CD93: variants seen among roughly 807,000 people sequenced by gnomAD.
CD93 encodes complement component C1q receptor.
In CD93, 44 loss-of-function variants were observed where a neutral mutation model predicts 45.5. The observed-to-expected ratio is 0.97, with a 90% confidence interval of 0.76 to 1.24. CD93 has a LOEUF of 1.24. Ranked by LOEUF, CD93 falls within the 50% of genes most tolerant of loss-of-function variation. The pLI is 0.00. For missense variants in CD93, 918 were observed against 844.5 expected, an observed-to-expected ratio of 1.09 and a Z score of -1.08; for synonymous variants, 431 against 370.8, an observed-to-expected ratio of 1.16 and a Z score of -1.87.
chr20:23,084,826 G>A lies in CD93; in HGVS notation c.1367C>T (p.Pro456Leu), dbSNP rs1222278626. Reference protein sequence around the residue: ...TQGSFHCGCLPGWVLAPNGVS... With the variant: ...TQGSFHCGCLLGWVLAPNGVS... Reference sequence around the variant, plus strand: ...CCCATTTGGGGCCAGCACCCAGCCTGGCAGGCAGCCACAGTGGAAGGACCC... The same window carrying A: ...CCCATTTGGGGCCAGCACCCAGCCTAGCAGGCAGCCACAGTGGAAGGACCC... Residue 456 changes from proline to leucine, a missense_variant, in exon 1 of 2, where the codon CCA becomes CTA. Physicochemically the swap from Pro to Leu is moderately conservative, Grantham distance 98 (BLOSUM62 -3). Transcript: ENST00000246006. The A allele has an allele frequency of 1.2e-6, 2 of 1,613,290 alleles. No individual in the cohort carries two copies. Among genetic ancestry groups the A allele is most frequent in the African/African-American group, 2.7e-5 (2 of 74,924 alleles).
At position 23,082,808 on chromosome 20, in the gene CD93, C is replaced by A. The variant is rs1052162605; in HGVS notation, c.*1142G>T. The A allele has an allele frequency of 3.3e-5, 5 of 152,604 alleles. No individual in the cohort carries two copies. The highest frequency in any genetic ancestry group is 9.7e-5 in the African/African-American group (4 of 41,444). The allele number at this position is 152,604 out of a possible 1,614,324, so 9.5% of individuals were successfully genotyped here. A position where few individuals can be genotyped will look rare whatever the true frequency, so the allele number is the denominator to read the frequency against. On this transcript the variant is annotated 3_prime_UTR_variant, in exon 2 of 2. Coordinates refer to ENST00000246006, the MANE Select transcript of CD93 (RefSeq NM_012072.4). The stretch of plus-strand genomic sequence containing the variant: ...AGCAAACTGCCTGACTAGCTCCCTA[C>A]TTGGTGTGTGCGCCACCCACACTTC...
At position 23,084,988 on chromosome 20, in the gene CD93, T is replaced by G; in HGVS notation, c.1205A>C (p.Asn402Thr). Residue 402 changes from asparagine (N) to threonine (T), a missense_variant, in exon 1 of 2, where the codon AAC (asparagine) becomes ACC (threonine). Physicochemically the swap from Asn to Thr is moderately conservative, Grantham distance 65 (BLOSUM62 0). Transcript: ENST00000246006. ...GGAGCAGTGAAATGAGCCATCTGTGTTGGTGCAGCCCTGGGCGCAAGGCGA... is the reference window on the plus strand; with the variant it reads ...GGAGCAGTGAAATGAGCCATCTGTGGTGGTGCAGCCCTGGGCGCAAGGCGA... ...GRSPCAQGCT[N>T]TDGSFHCSCE... 1 of 1,613,892 alleles carries G rather than the reference T, an allele frequency of 6.2e-7. No homozygotes were observed. The highest frequency in any genetic ancestry group is 2.2e-5 in the East Asian group (1 of 44,862).
chr20:23,086,162 G>T lies in CD93; in HGVS notation c.31C>A (p.Leu11Met). The change falls in exon 1 of 2, where the codon CTG becomes ATG. Residue 11 changes from leucine to methionine, a missense_variant. By Grantham distance (15) the Leu-to-Met change is conservative. Coordinates refer to ENST00000246006, the MANE Select transcript of CD93 (RefSeq NM_012072.4). ...CCGGGCTGGGTCAGGAGCAGCAGCA[G>T]CAGCAGCAGCAGGCCCATGGAGGTG... is the stretch of plus-strand genomic sequence containing the variant. MATSMGLLLL[L>M]LLLLTQPGAG... 6.4e-7 allele frequency: 1 copy of T among 1,555,596 alleles called. No individual in the cohort carries two copies. The highest frequency in any genetic ancestry group is 8.6e-7 in the Non-Finnish European group (1 of 1,157,356).
At position 23,085,831 on chromosome 20, in the gene CD93, T is replaced by TTGCCCCCCCCC; in HGVS notation, c.361_362insGGGGGGGGGCA (p.Glu121GlyfsTer83). On this transcript the variant is annotated frameshift_variant, in exon 1 of 2. Coordinates refer to ENST00000246006, the MANE Select transcript of CD93 (RefSeq NM_012072.4). LOFTEE classifies it high-confidence loss of function. ...GTGCCAGTTAGAGTAAGGCGTGTCC[T>TTGCCCCCCCCC]CCCCCCCGCCCACCCAGCTGAAGCC... 4.7e-6 allele frequency: 7 copies of TTGCCCCCCCCC among 1,491,262 alleles called. No individual in the cohort carries two copies. The highest frequency in any genetic ancestry group is 6.4e-6 in the Non-Finnish European group (7 of 1,097,874). 92.4% of individuals were successfully genotyped at this position (1,491,262 alleles called of 1,614,324 possible).
rs1394949523 is a variant in CD93 at position 23,086,284 on chromosome 20, T to C, written c.-92A>G. On this transcript the variant is annotated 5_prime_UTR_variant, in exon 1 of 2. Coordinates refer to ENST00000246006, the MANE Select transcript of CD93 (RefSeq NM_012072.4). ...CTCCCAGCTGGGCCCCAAGGGGAGC[T>C]GAGGGGTGAGCTGCAGCCACTCCGG... 3 of 1,413,326 alleles carry C rather than the reference T, an allele frequency of 2.1e-6. No individual in the cohort carries two copies. Among genetic ancestry groups the C allele is most frequent in the Non-Finnish European group, 2.8e-6 (3 of 1,077,302 alleles). 87.5% of individuals were successfully genotyped at this position (1,413,326 alleles called of 1,614,324 possible). A position where few individuals can be genotyped will look rare whatever the true frequency, so the allele number is the denominator to read the frequency against.
At position 23,083,926 on chromosome 20, in the gene CD93, A is replaced by T; in HGVS notation, c.*24T>A. On this transcript the variant is annotated 3_prime_UTR_variant, in exon 2 of 2. Transcript: ENST00000246006. Reference sequence around the variant, plus strand: ...TCTGAGGATGGTGGCTGGTGACTCTAGTGTCTCTAGGGCCACCTCACTTTC... The same window carrying T: ...TCTGAGGATGGTGGCTGGTGACTCTTGTGTCTCTAGGGCCACCTCACTTTC... 1 of 1,611,970 alleles carries T rather than the reference A, an allele frequency of 6.2e-7. No homozygotes were observed.
chr20:23,083,943 C>T lies in CD93; in HGVS notation c.*7G>A, dbSNP rs752726865. The T allele has an allele frequency of 1.2e-6, 2 of 1,614,030 alleles. No homozygotes were observed. Among genetic ancestry groups the T allele is most frequent in the East Asian group, 2.2e-5 (1 of 44,880 alleles). On this transcript the variant is annotated 3_prime_UTR_variant, in exon 2 of 2. Coordinates refer to ENST00000246006, the MANE Select transcript of CD93 (RefSeq NM_012072.4). ...GTGACTCTAGTGTCTCTAGGGCCAC[C>T]TCACTTTCAGCAGTCTGTCCCAGGT...
Position 23,083,662 on chromosome 20 carries a change from C to T in CD93, c.*288G>A, listed in dbSNP as rs572747107. ...GCCCCGGCCTCCTCACACCCTGATC[C>T]GGAATTGGTCACATTGGAATTTGAA... On this transcript the variant is annotated 3_prime_UTR_variant, in exon 2 of 2. Transcript: ENST00000246006. 1.0e-4 allele frequency: 53 copies of T among 511,146 alleles called. No individual in the cohort carries two copies. Among genetic ancestry groups the T allele is most frequent in the African/African-American group, 8.2e-4 (43 of 52,182 alleles). 31.7% of individuals were successfully genotyped at this position (511,146 alleles called of 1,614,324 possible).
rs190471825 is a variant in CD93, at chr20:23,081,477, C to G, written c.*2473G>C. On this transcript the variant is annotated 3_prime_UTR_variant, in exon 2 of 2. Transcript: ENST00000246006. ...CAAAAATAAACAGGAGAATAAAGCA[C>G]GTGTTTGAGCCCAGTGGTTTCCATC... The G allele has an allele frequency of 6.6e-6, 1 of 152,250 alleles. No individual in the cohort carries two copies. The highest frequency in any genetic ancestry group is 2.4e-5 in the African/African-American group (1 of 41,432). The allele number at this position is 152,250 out of a possible 1,614,324, so 9.4% of individuals were successfully genotyped here.
At position 23,085,831 on chromosome 20, in the gene CD93, T is replaced by TGGGGCCCCCCCCCCC; in HGVS notation, c.361_362insGGGGGGGGGGGCCCC (p.Glu121delinsGlyGlyGlyGlyProGln). 6.7e-7 allele frequency: 1 copy of TGGGGCCCCCCCCCCC among 1,491,274 alleles called. No individual in the cohort carries two copies. Among genetic ancestry groups the TGGGGCCCCCCCCCCC allele is most frequent in the Non-Finnish European group, 9.1e-7 (1 of 1,097,886 alleles). The allele number at this position is 1,491,274 out of a possible 1,614,324, so 92.4% of individuals were successfully genotyped here. ...GTGCCAGTTAGAGTAAGGCGTGTCC[T>TGGGGCCCCCCCCCCC]CCCCCCCGCCCACCCAGCTGAAGCC... On this transcript the variant is annotated protein_altering_variant, in exon 1 of 2. Coordinates refer to ENST00000246006, the MANE Select transcript of CD93 (RefSeq NM_012072.4).
chr20:23,086,151 G>GAGCAGC lies in CD93; in HGVS notation c.36_41dup (p.Leu14_Leu15dup), dbSNP rs749900724. On this transcript the variant is annotated inframe_insertion, in exon 1 of 2. Transcript: ENST00000246006. ...CCGTCCCCGCCCCGGGCTGGGTCAG[G>GAGCAGC]AGCAGCAGCAGCAGCAGCAGCAGGC... 19 of 1,569,116 alleles carry GAGCAGC rather than the reference G, an allele frequency of 1.2e-5. No homozygotes were observed. Among genetic ancestry groups the GAGCAGC allele is most frequent in the South Asian group, 1.0e-4 (9 of 87,396 alleles).
At chr20:23,084,106 G>T in intron 1 of CD93, 132 bp from the exon 2 acceptor site, 1 of 1,408,602 alleles carries the variant, frequency 7.1e-7, no homozygotes, top group Non-Finnish European at 1.0e-6. Flanking sequence ...CCGAGTGCCT[G>T]GCGTGGGGGG....
In CD93 at chr20:23,085,680, G is replaced by A. The variant is rs759482480; in HGVS notation, c.513C>T (p.Pro171=). The change falls in exon 1 of 2, where the codon CCC becomes CCT. Residue 171 remains proline (P), a synonymous_variant. Coordinates refer to ENST00000246006, the MANE Select transcript of CD93 (RefSeq NM_012072.4). ...SEGPCGSPGS[P]GSNIEGFVCK... is the part of the protein sequence containing the mutation. ...ACACGAAGCCCTCAATGTTACTTCCGGGGGAGCCTGGGCTCCCACAGGGGC... is the reference window on the plus strand; with the variant it reads ...ACACGAAGCCCTCAATGTTACTTCCAGGGGAGCCTGGGCTCCCACAGGGGC... The A allele has an allele frequency of 2.5e-6, 4 of 1,610,344 alleles. No homozygotes were observed. Among genetic ancestry groups the A allele is most frequent in the Middle Eastern group, 1.7e-4 (1 of 6,042 alleles).
chr20:23,080,096 G>C lies in CD93; in HGVS notation c.*3854C>G, dbSNP rs990967931. 6.6e-6 allele frequency: 1 copy of C among 152,410 alleles called. No homozygotes were observed. Among genetic ancestry groups the C allele is most frequent in the Non-Finnish European group, 1.5e-5 (1 of 68,026 alleles). The allele number at this position is 152,410 out of a possible 1,614,324, so 9.4% of individuals were successfully genotyped here. ...GCTAAAGCTATTGTTCAAGGTGATG[G>C]AAATATGTAGGGGGCATTAAACCAT... On this transcript the variant is annotated 3_prime_UTR_variant, in exon 2 of 2. Transcript: ENST00000246006.
chr20:23,085,016 G>C lies in CD93; in HGVS notation c.1177C>G (p.Arg393Gly). Residue 393 changes from arginine (R) to glycine (G), a missense_variant, in exon 1 of 2, where the codon CGC becomes GGC. Arg to Gly is a moderately radical substitution (Grantham distance 125, BLOSUM62 -2). Coordinates refer to ENST00000246006, the MANE Select transcript of CD93 (RefSeq NM_012072.4). The stretch of plus-strand genomic sequence containing the variant: ...GTGCAGCCCTGGGCGCAAGGCGAGC[G>C]ACCCAGAGCACACTCATCCACATCC... ...CQDVDECALG[R>G]SPCAQGCTNT... 6.2e-7 allele frequency: 1 copy of C among 1,613,906 alleles called. No individual in the cohort carries two copies. Among genetic ancestry groups the C allele is most frequent in the Non-Finnish European group, 8.5e-7 (1 of 1,180,002 alleles).
chr20:23,082,519 G>C lies in CD93; in HGVS notation c.*1431C>G, dbSNP rs1372340085. ...GGAATGTGTTCCAGTGCCCCAGGCA[G>C]AATGGTGCCGTGTCTCTGTGTGTGT... On this transcript the variant is annotated 3_prime_UTR_variant, in exon 2 of 2. Coordinates refer to ENST00000246006, the MANE Select transcript of CD93 (RefSeq NM_012072.4). 2 of 146,790 alleles carry C rather than the reference G, an allele frequency of 1.4e-5. No individual in the cohort carries two copies. Among genetic ancestry groups the C allele is most frequent in the Non-Finnish European group, 3.0e-5 (2 of 67,292 alleles). The allele number at this position is 146,790 out of a possible 1,614,324, so 9.1% of individuals were successfully genotyped here.
At position 23,084,697 on chromosome 20, in the gene CD93, G is replaced by A; in HGVS notation, c.1496C>T (p.Thr499Ile). Residue 499 changes from threonine (T) to isoleucine (I), a missense_variant, in exon 1 of 2, where the codon ACA becomes ATA. By Grantham distance (89) the Thr-to-Ile change is moderately conservative (BLOSUM62 -1). Transcript: ENST00000246006. ...KEGSTVPRAATASPTRGPEGT... is the reference protein window; with the variant it reads ...KEGSTVPRAAIASPTRGPEGT... ...CTCGGGGCCCCTTGTGGGACTGGCT[G>A]TTGCAGCACGGGGCACGGTGCTCCC... The A allele has an allele frequency of 2.5e-6, 4 of 1,587,016 alleles. No individual in the cohort carries two copies. The highest frequency in any genetic ancestry group is 3.4e-6 in the Non-Finnish European group (4 of 1,167,454).
Position 23,085,897 on chromosome 20 carries a change from C to A in CD93, c.296G>T (p.Arg99Leu), listed in dbSNP as rs1568679113. ...RMSKFWIGLQREKGKCLDPSL... is the reference protein window; with the variant it reads ...RMSKFWIGLQLEKGKCLDPSL... ...AGGGTCCAGGCACTTGCCCTTCTCT[C>A]GCTGGAGCCCAATCCAGAACTTGCT... The change falls in exon 1 of 2, where the codon CGA (arginine) becomes CTA (leucine). Residue 99 changes from arginine to leucine, a missense_variant. Coordinates refer to ENST00000246006, the MANE Select transcript of CD93 (RefSeq NM_012072.4). 6.5e-7 allele frequency: 1 copy of A among 1,542,412 alleles called. No individual in the cohort carries two copies.
rs543305475 is a variant in CD93, at chr20:23,082,491, C to G, written c.*1459G>C. On this transcript the variant is annotated 3_prime_UTR_variant, in exon 2 of 2. Coordinates refer to ENST00000246006, the MANE Select transcript of CD93 (RefSeq NM_012072.4). ...TAGTGACTCTGACCATCGGTGACCC[C>G]CAGGAATGTGTTCCAGTGCCCCAGG... 6.6e-6 allele frequency: 1 copy of G among 151,846 alleles called. No homozygotes were observed. The highest frequency in any genetic ancestry group is 2.4e-5 in the African/African-American group (1 of 41,272). The allele number at this position is 151,846 out of a possible 1,614,324, so 9.4% of individuals were successfully genotyped here.
Sources: allele counts gnomAD v4.1 joint callset, GRCh38; gene constraint gnomAD v4.1.1; transcripts MANE v1.5; gene names NCBI Gene and HGNC (gene_info 2026-07-23, HGNC 2026-07-21).